GMEB2: variants seen among roughly 807,000 people sequenced by gnomAD.
GMEB2 encodes glucocorticoid modulatory element-binding protein 2.
Under a neutral mutation model 45.7 loss-of-function variants are expected in GMEB2, and 7 were observed. The observed-to-expected ratio is 0.15, with a 90% confidence interval of 0.09 to 0.29. GMEB2 has a LOEUF of 0.29. GMEB2 is among the 10% of genes least tolerant of loss of function. GMEB2 has a pLI of 1.00. For missense variants in GMEB2, 582 were observed against 739.2 expected (o/e 0.79, Z 2.47); for synonymous variants, 322 against 323.6 (o/e 1.00, Z 0.05).
At chr20:63,595,856 C>A (rs112641458) in intron 5 of GMEB2, 89 bp from the exon 6 acceptor site, 6 of 1,231,958 alleles carry the variant, frequency 4.9e-6, no homozygotes, top group Non-Finnish European at 7.1e-6. Flanking sequence ...CATCCACCTG[C>A]GTGGGGCAGG....
rs754179496 is a variant in GMEB2, at chr20:63,597,854, C to T, written c.364G>A (p.Glu122Lys). Reference protein sequence around the residue: ...GINVKCVQYDEHVISPKEFVH... With the variant: ...GINVKCVQYDKHVISPKEFVH... ...AATTCCTTTGGGCTGATTACATGCT[C>T]GTCGTACTGTGGGGGACACAGTCAT... Residue 122 changes from glutamate (E) to lysine (K), a missense_variant, in exon 5 of 10, where the codon GAG (glutamate) becomes AAG (lysine). By Grantham distance (56) the Glu-to-Lys change is moderately conservative. This residue lies in a region of GMEB2 where 462 missense variants were observed against 586.7 expected (regional missense o/e 0.79). Coordinates refer to ENST00000370077, the MANE Select transcript of GMEB2 (RefSeq NM_012384.5). 14 of 1,589,836 alleles carry T rather than the reference C, an allele frequency of 8.8e-6. No individual in the cohort carries two copies. The highest frequency in any genetic ancestry group is 2.2e-5 in the East Asian group (1 of 44,764).
At chr20:63,598,182 T>C (rs2083213976) in intron 4 of GMEB2, among the ~76,000 whole-genome samples, 1 of 152,230 alleles carries the variant, frequency 6.6e-6, no homozygotes, top group Admixed American at 6.5e-5. Context: ...AGCAAACTGC[T>C]TCTGTGCAAT....
At chr20:63,597,608 T>C (rs985359666) in intron 5 of GMEB2, 149 bp downstream of exon 5, 11 of 608,854 alleles carry the variant, frequency 1.8e-5, no homozygotes, top group South Asian at 7.4e-5. Context: ...CAGTTTTGGG[T>C]GTGAGCAGGT....
intron 4 of GMEB2, among the ~76,000 whole-genome samples, chr20:63,600,028 G>A (rs1263337197): frequency 6.6e-6 from 1 of 151,992 alleles, no homozygotes; most frequent in Non-Finnish European, 1.5e-5. Context: ...TCCAATGATA[G>A]CCTTTATTGC....
At chr20:63,624,909 T>A (rs572139692) in intron 1 of GMEB2, among the ~76,000 whole-genome samples, 1 of 152,006 alleles carries the variant, frequency 6.6e-6, no homozygotes, top group Non-Finnish European at 1.5e-5. Flanking sequence ...GGTTTCACCA[T>A]GTTGGCCAGG....
At position 63,619,157 on chromosome 20, in the gene GMEB2, G is replaced by A; in HGVS notation, c.131+110C>T. On this transcript the variant is annotated intron_variant, in intron 2 of 9. Coordinates refer to ENST00000370077, the MANE Select transcript of GMEB2 (RefSeq NM_012384.5). This position sits in a 1 kb window ranked among gnomAD's most constrained non-coding sequence, Gnocchi z 4.6. ...TTTGAGTCCAGTCTCAGAAGAACTG[G>A]AACTAGAAAAATCCTGACACTTGTC... 9.0e-7 allele frequency: 1 copy of A among 1,113,562 alleles called. No individual in the cohort carries two copies. The highest frequency in any genetic ancestry group is 1.2e-6 in the Non-Finnish European group (1 of 805,556). 69.0% of individuals were successfully genotyped at this position (1,113,562 alleles called of 1,614,324 possible). A position where few individuals can be genotyped will look rare whatever the true frequency, so the allele number is the denominator to read the frequency against.
rs1057240745 is a variant in GMEB2 at position 63,589,701 on chromosome 20, C to T, written c.*388G>A. ...ATGGGGGCCTCGTGACCTGCTGCACCGCGTCCAGCACCTGCAGGGTCGCGC... is the reference window on the plus strand; with the variant it reads ...ATGGGGGCCTCGTGACCTGCTGCACTGCGTCCAGCACCTGCAGGGTCGCGC... On this transcript the variant is annotated 3_prime_UTR_variant, in exon 10 of 10. Transcript: ENST00000370077. 26 of 191,768 alleles carry T rather than the reference C, an allele frequency of 1.4e-4. No homozygotes were observed. The highest frequency in any genetic ancestry group is 2.5e-4 in the Non-Finnish European group (24 of 95,022). The allele number at this position is 191,768 out of a possible 1,614,324, so 11.9% of individuals were successfully genotyped here.
chr20:63,618,912 T>C (rs183965564), intron 2 of GMEB2, among the ~76,000 whole-genome samples: 2 of 152,272 alleles, frequency 1.3e-5, no homozygotes, highest in East Asian at 3.9e-4. Flanking sequence ...ACACTCACAG[T>C]TTCATGAAGA....
At chr20:63,603,394 G>T (rs535143296) in intron 3 of GMEB2, among the ~76,000 whole-genome samples, 15 of 152,164 alleles carry the variant, frequency 9.9e-5, no homozygotes, top group Non-Finnish European at 1.0e-4. Context: ...CAATTCTAGG[G>T]AAACCTAAGG....
At chr20:63,597,164 G>T (rs1270431191) in intron 5 of GMEB2, among the ~76,000 whole-genome samples, 47 of 132,598 alleles carry the variant, frequency 3.5e-4, no homozygotes, top group Non-Finnish European at 4.9e-4. Flanking sequence ...TTTTATTCTT[G>T]TTTTTTTTTT....
At chr20:63,597,481 G>A (rs893888875) in intron 5 of GMEB2, among the ~76,000 whole-genome samples, 7 of 152,046 alleles carry the variant, frequency 4.6e-5, no homozygotes, top group Admixed American at 2.6e-4. Context: ...ATTTTACAAC[G>A]CTGAAACAGT....
chr20:63,597,645 C>T, intron 5 of GMEB2, 112 bp downstream of exon 5: 1 of 683,994 alleles, frequency 1.5e-6, no homozygotes, highest in Non-Finnish European at 2.6e-6. Flanking sequence ...AGGTTGTCAG[C>T]ACTCACCACA....
At chr20:63,622,889 G>A (rs961875435) in intron 1 of GMEB2, among the ~76,000 whole-genome samples, 3 of 152,216 alleles carry the variant, frequency 2.0e-5, no homozygotes, top group Admixed American at 1.3e-4. Flanking sequence ...CAAAGACCCC[G>A]CACGCGTTAC....
At chr20:63,609,145 CA>C (rs1466237877) in intron 2 of GMEB2, among the ~76,000 whole-genome samples, 1 of 55,844 alleles carries the variant, frequency 1.8e-5, no homozygotes, top group Admixed American at 1.5e-4. Flanking sequence ...TGACCCCACA[CA>C]TCCATTTCTA....
In GMEB2 at chr20:63,590,403, G is replaced by T; in HGVS notation, c.1279C>A (p.Leu427Met). 6.3e-7 allele frequency: 1 copy of T among 1,582,520 alleles called. No homozygotes were observed. The change falls in exon 10 of 10, where the codon CTG (leucine) becomes ATG (methionine). Residue 427 changes from leucine to methionine, a missense_variant. Transcript: ENST00000370077. ...APPASSPASP[L>M]LGGYTVLASS... The stretch of plus-strand genomic sequence containing the variant: ...GCCAAGACTGTGTATCCCCCGAGCA[G>T]CGGGGAGGCCGGGGAGCTGGCGGGG...
At chr20:63,612,563 C>T (rs969508383) in intron 2 of GMEB2, among the ~76,000 whole-genome samples, 1 of 152,212 alleles carries the variant, frequency 6.6e-6, no homozygotes, top group African/African-American at 2.4e-5. Flanking sequence ...TTGTAACTTC[C>T]TACCAAGAGG....
chr20:63,592,210 G>A lies in GMEB2; in HGVS notation c.830-66C>T, dbSNP rs563687385. The A allele has an allele frequency of 3.8e-5, 58 of 1,506,712 alleles. No homozygotes were observed. The highest frequency in any genetic ancestry group is 3.0e-4 in the East Asian group (13 of 43,770). 93.3% of individuals were successfully genotyped at this position (1,506,712 alleles called of 1,614,324 possible). On this transcript the variant is annotated intron_variant, in intron 8 of 9. Transcript: ENST00000370077. The surrounding 1 kb of genome is among the most constrained non-coding windows in gnomAD (Gnocchi z 8.2). Reference sequence around the variant, plus strand: ...TTCCTAGAGAGCCACGCGGACGCTCGGTGAGAGCCCGGGACCTTCCTAGAG... The same window carrying A: ...TTCCTAGAGAGCCACGCGGACGCTCAGTGAGAGCCCGGGACCTTCCTAGAG...
In GMEB2 at chr20:63,618,108, A is replaced by G. The variant is rs138659886; in HGVS notation, c.131+1159T>C. Among the ~76,000 whole-genome samples the G allele has an allele frequency of 6.8e-3, 1,030 of 152,260 alleles. 11 individuals are homozygous for G. Among genetic ancestry groups the G allele is most frequent in the African/African-American group, 0.023 (964 of 41,564 alleles). The stretch of plus-strand genomic sequence containing the variant: ...ACTGCCTCTCTGGGCAAGAGTGGGG[A>G]GGTGTGGGGTGGGAGATGTCTGGAA... On this transcript the variant is annotated intron_variant, in intron 2 of 9. Coordinates refer to ENST00000370077, the MANE Select transcript of GMEB2 (RefSeq NM_012384.5).
rs1349901443 is a variant in GMEB2, at chr20:63,593,228, G to A, written c.620-146C>T. 1.1e-5 allele frequency: 7 copies of A among 616,532 alleles called. No homozygotes were observed. The East Asian group carries it at 2.0e-4, about 18-fold the overall frequency. 38.2% of individuals were successfully genotyped at this position (616,532 alleles called of 1,614,324 possible). A position where few individuals can be genotyped will look rare whatever the true frequency, so the allele number is the denominator to read the frequency against. ...CAAACACAGGATACGCACTAGTACA[G>A]CCAAAGTGTACCTGCCTTATATTTT... is the stretch of plus-strand genomic sequence containing the variant. On this transcript the variant is annotated intron_variant, in intron 6 of 9. Transcript: ENST00000370077. This position sits in a 1 kb window ranked among gnomAD's most constrained non-coding sequence, Gnocchi z 4.7.
Sources: gnomAD v4.1 joint callset for allele counts (sites outside exome capture counted in the v4.1 genomes callset) on GRCh38, gnomAD v4.1.1 for gene constraint, gnomAD v4.1.1 regional missense constraint, Gnocchi (gnomAD v3.1) non-coding constraint, MANE v1.5 for transcripts, NCBI Gene and HGNC (gene_info 2026-07-23, HGNC 2026-07-21) for gene names.